CEP44: variants seen among roughly 807,000 people sequenced by gnomAD.
CEP44 encodes centrosomal protein 44, also known as centrosomal protein of 44 kDa.
A neutral mutation model predicts 46.7 loss-of-function variants in CEP44; 45 were observed. That is an observed-to-expected ratio of 0.96 (90% CI 0.76 to 1.24). The LOEUF (loss-of-function observed/expected upper bound fraction) is 1.24. Among genes scored for constraint, CEP44 ranks in the 50% most tolerant of loss-of-function variants. CEP44 has a pLI of 0.00. For missense variants in CEP44, 475 were observed against 459.7 expected (o/e 1.03, Z -0.30); for synonymous variants, 142 against 146.0 (o/e 0.97, Z 0.20).
Position 174,310,074 on chromosome 4 carries a change from C to A in CEP44, c.885+18C>A. The A allele has an allele frequency of 6.3e-7, 1 of 1,596,198 alleles. No homozygotes were observed. Among genetic ancestry groups the A allele is most frequent in the South Asian group, 1.1e-5 (1 of 88,268 alleles). On this transcript the variant is annotated intron_variant, in intron 8 of 11. Coordinates refer to ENST00000503780, the MANE Select transcript of CEP44 (RefSeq NM_001040157.3). The surrounding 1 kb of genome is among the most constrained non-coding windows in gnomAD (Gnocchi z 4.2). ...CTAAAAAGGTATTTTCCTCCTTTAA[C>A]ATTTATAAAATATCTCAGATATAAC...
chr4:174,303,381 T>TG (rs1278158846), intron 4 of CEP44, among the ~76,000 whole-genome samples: 1 of 152,212 alleles, frequency 6.6e-6, no homozygotes, highest in Non-Finnish European at 1.5e-5. Context: ...TCTGGTATGG[T>TG]ATTCTAGTGA....
In CEP44 at chr4:174,317,511, A is replaced by G; in HGVS notation, c.*128A>G. 1 of 1,212,318 alleles carries G rather than the reference A, an allele frequency of 8.2e-7. No homozygotes were observed. The highest frequency in any genetic ancestry group is 1.0e-6 in the Non-Finnish European group (1 of 961,182). The allele number at this position is 1,212,318 out of a possible 1,614,324, so 75.1% of individuals were successfully genotyped here. A position where few individuals can be genotyped will look rare whatever the true frequency, so the allele number is the denominator to read the frequency against. On this transcript the variant is annotated 3_prime_UTR_variant, in exon 12 of 12. Transcript: ENST00000503780. ...TGACAATTTGGATTCCATTTGGTAT[A>G]TGAATTTTTGCATTCATTATTGAAT... is the stretch of plus-strand genomic sequence containing the variant.
Position 174,311,122 on chromosome 4 carries a change from T to A in CEP44, c.961+264T>A, listed in dbSNP as rs1320439740. Among the ~76,000 whole-genome samples the A allele has an allele frequency of 6.6e-6, 1 of 152,038 alleles. No homozygotes were observed. Among genetic ancestry groups the A allele is most frequent in the Non-Finnish European group, 1.5e-5 (1 of 67,908 alleles). ...TTTTACTGTTTTAATCATTCGAGAA[T>A]AATCAAGTGCTCTAGGATATTAATG... On this transcript the variant is annotated intron_variant, in intron 9 of 11. Transcript: ENST00000503780. This position sits in a 1 kb window ranked among gnomAD's most constrained non-coding sequence, Gnocchi z 4.4.
chr4:174,294,046 CT>C (rs764798847), intron 1 of CEP44, among the ~76,000 whole-genome samples: 1,681 of 138,062 alleles, frequency 0.012, 8 homozygotes, highest in Middle Eastern at 0.019. Flanking sequence ...CATATATCCT[CT>C]TTTTTTTTTT....
At chr4:174,332,714 C>T (rs1197281936) in exon 9 of CEP44, 1 of 152,142 alleles carries the variant, frequency 6.6e-6, no homozygotes, top group Non-Finnish European at 1.5e-5. Context: ...CAGATACTTA[C>T]TCAATACATG....
chr4:174,315,865 G>T (rs1396761484), intron 9 of CEP44, among the ~76,000 whole-genome samples: 2 of 145,668 alleles, frequency 1.4e-5, no homozygotes, highest in East Asian at 2.0e-4. Flanking sequence ...AAAAAGAAAA[G>T]AATATACATG....
Position 174,326,408 on chromosome 4 carries a change from G to A in CEP44, c.1087-5074G>A, listed in dbSNP as rs933598328. Among the ~76,000 whole-genome samples, 9 of 151,914 alleles carry A rather than the reference G, an allele frequency of 5.9e-5. No individual in the cohort carries two copies. The highest frequency in any genetic ancestry group is 5.3e-4 in the Admixed American group (8 of 15,224). ...TTTAAGTATAACATAAGAGCCTTAC[G>A]ATAATATACTTTTCATTCTTTCTGC... On this transcript the variant is annotated intron_variant, in intron 8 of 8. Coordinates refer to the CEP44 transcript ENST00000426172. This position sits in a 1 kb window ranked among gnomAD's most constrained non-coding sequence, Gnocchi z 4.8.
chr4:174,308,917 T>C (rs1341128573), intron 7 of CEP44, 58 bp downstream of exon 7: 1 of 1,418,400 alleles, frequency 7.1e-7, no homozygotes, highest in African/African-American at 1.4e-5. Context: ...ATATGTGTAA[T>C]TATTTCAGCC....
chr4:174,295,035 C>T (rs1205661972), intron 1 of CEP44, among the ~76,000 whole-genome samples: 1 of 136,192 alleles, frequency 7.3e-6, no homozygotes, highest in Non-Finnish European at 1.6e-5. Flanking sequence ...GGGGGCTGAC[C>T]CCCCCACCTC....
rs768690821 is a variant in CEP44 at position 174,302,142 on chromosome 4, C to T, written c.193C>T (p.Leu65Phe). The change falls in exon 4 of 12, where the codon CTC becomes TTC. Residue 65 changes from leucine to phenylalanine, a missense_variant. Transcript: ENST00000503780. ...TELIMESNVE[L>F]IAKNDLRFID... ...ACTTATAATGGAATCCAATGTAGAGCTCATAGCAAAAAATGACTTGCGCTT... is the reference window on the plus strand; with the variant it reads ...ACTTATAATGGAATCCAATGTAGAGTTCATAGCAAAAAATGACTTGCGCTT... 45 of 1,608,620 alleles carry T rather than the reference C, an allele frequency of 2.8e-5. 1 individual carries two copies. In the South Asian group the frequency reaches 4.7e-4, roughly 17 times the overall value.
At chr4:174,322,303 T>C (rs1742374750), downstream of CEP44, among the ~76,000 whole-genome samples, 1 of 152,116 alleles carries the variant, frequency 6.6e-6, no homozygotes. Context: ...TGTGCTGGGC[T>C]TTCCATGACT....
chr4:174,316,885 A>C (rs1425621519), intron 11 of CEP44, among the ~76,000 whole-genome samples: 1 of 152,210 alleles, frequency 6.6e-6, no homozygotes, highest in Non-Finnish European at 1.5e-5. Flanking sequence ...TGATTTATCA[A>C]AATATTAAAT....
exon 9 of CEP44, chr4:174,332,666 A>G (rs1367912071): frequency 2.0e-5 from 3 of 152,230 alleles, no homozygotes; most frequent in African/African-American, 7.2e-5. Context: ...GATCTCAGGC[A>G]TAGCATGCAT....
At chr4:174,320,704 A>ATGTGTGTGTGTGTGTATGTGTG (rs796604982), downstream of CEP44, among the ~76,000 whole-genome samples, 580 of 125,304 alleles carry the variant, frequency 4.6e-3, 3 homozygotes, top group Non-Finnish European at 7.3e-3. Flanking sequence ...GTGTGTGTGT[A>ATGTGTGTGTGTGTGTATGTGTG]TGTGTGTGTG....
rs774911680 is a variant in CEP44, at chr4:174,308,751, A to C, written c.570A>C (p.Thr190=). The part of the protein sequence containing the change: ...NEDNVDISED[T]LSPITDVNEA... Reference sequence around the variant, plus strand: ...ATAATGTTGACATTTCTGAGGATACATTAAGTCCAATAACAGATGTTAATG... The same window carrying C: ...ATAATGTTGACATTTCTGAGGATACCTTAAGTCCAATAACAGATGTTAATG... Residue 190 remains threonine (T), a synonymous_variant, in exon 7 of 12, where the codon ACA becomes ACC. Transcript: ENST00000503780. The C allele has an allele frequency of 1.2e-6, 2 of 1,613,370 alleles. No homozygotes were observed. Among genetic ancestry groups the C allele is most frequent in the South Asian group, 2.2e-5 (2 of 91,036 alleles).
At chr4:174,320,570 G>A, downstream of CEP44, among the ~76,000 whole-genome samples, 1 of 24,388 alleles carries the variant, frequency 4.1e-5, no homozygotes, top group Non-Finnish European at 1.1e-4. Flanking sequence ...GTCCTAAAGA[G>A]TGAACAGAAT....
chr4:174,331,771 T>G lies in CEP44; in HGVS notation c.*176T>G. 1.4e-6 allele frequency: 1 copy of G among 714,084 alleles called. No individual in the cohort carries two copies. Among genetic ancestry groups the G allele is most frequent in the Non-Finnish European group, 2.0e-6 (1 of 489,092 alleles). The allele number at this position is 714,084 out of a possible 1,614,324, so 44.2% of individuals were successfully genotyped here. On this transcript the variant is annotated 3_prime_UTR_variant, in exon 9 of 9. Transcript: ENST00000426172. The surrounding 1 kb of genome is among the most constrained non-coding windows in gnomAD (Gnocchi z 4.5). ...TCCTTCCTGCTACATGGGTAACACT[T>G]AGTTGTTTGTCTAATTTCTATTTTC... is the stretch of plus-strand genomic sequence containing the variant.
In CEP44 at chr4:174,319,772, G is replaced by A; in HGVS notation, c.*2389G>A. ...TATATCATACATTTACACTTACAAAGAGTCTTTATCTAGACAACATAATTT... is the reference window on the plus strand; with the variant it reads ...TATATCATACATTTACACTTACAAAAAGTCTTTATCTAGACAACATAATTT... On this transcript the variant is annotated 3_prime_UTR_variant, in exon 12 of 12. Coordinates refer to ENST00000503780, the MANE Select transcript of CEP44 (RefSeq NM_001040157.3). 3.3e-6 allele frequency: 3 copies of A among 912,674 alleles called. No individual in the cohort carries two copies. Among genetic ancestry groups the A allele is most frequent in the Non-Finnish European group, 3.9e-6 (3 of 766,028 alleles). The allele number at this position is 912,674 out of a possible 1,614,324, so 56.5% of individuals were successfully genotyped here. A position where few individuals can be genotyped will look rare whatever the true frequency, so the allele number is the denominator to read the frequency against.
Position 174,319,958 on chromosome 4 carries a change from A to G in CEP44, c.*2575A>G, listed in dbSNP as rs761873238. The G allele has an allele frequency of 3.3e-5, 33 of 985,144 alleles. No homozygotes were observed. The highest frequency in any genetic ancestry group is 3.7e-5 in the Non-Finnish European group (31 of 829,810). 61.0% of individuals were successfully genotyped at this position (985,144 alleles called of 1,614,324 possible). A position where few individuals can be genotyped will look rare whatever the true frequency, so the allele number is the denominator to read the frequency against. ...AGAAGGTGAAGCAGGGGAGTTCTGA[A>G]GAGATTACCTAGAGCTACATAACCC... On this transcript the variant is annotated 3_prime_UTR_variant, in exon 12 of 12. Transcript: ENST00000503780.
Sources: gnomAD v4.1 joint callset for allele counts (sites outside exome capture counted in the v4.1 genomes callset) on GRCh38, gnomAD v4.1.1 for gene constraint, Gnocchi (gnomAD v3.1) non-coding constraint, MANE v1.5 for transcripts, NCBI Gene and HGNC (gene_info 2026-07-23, HGNC 2026-07-21) for gene names.